Variants in LINGO1 observed in about 807,000 individuals in gnomAD.
LINGO1 encodes leucine rich repeat and Ig domain containing 1.
LINGO1 carries 11 observed loss-of-function variants against 37.3 expected under a neutral mutation model. The observed-to-expected ratio is 0.29, with a 90% confidence interval of 0.19 to 0.49. The LOEUF (loss-of-function observed/expected upper bound fraction) is 0.49, where lower values mean the gene tolerates loss of function less well. LINGO1 is among the 20% of genes least tolerant of loss of function. The pLI is 0.99. For synonymous variants in LINGO1, 387 were observed against 403.0 expected (o/e 0.96, Z 0.48); for missense variants, 585 against 878.2 (o/e 0.67, Z 4.22).
At chr15:77,679,860 G>A (rs573534138) in intron 2 of LINGO1, among the ~76,000 whole-genome samples, 8 of 152,274 alleles carry the variant, frequency 5.3e-5, no homozygotes, top group East Asian at 1.9e-4. Context: ...GCAACCACTC[G>A]ATATGCCCCA....
At chr15:77,720,346 G>A (rs11856579) in intron 2 of LINGO1, among the ~76,000 whole-genome samples, 35,149 of 152,204 alleles carry the variant, frequency 0.23, 4,182 homozygotes, top group Middle Eastern at 0.29. Context: ...GGCCAGTCCC[G>A]CCGCCCGCCA....
chr15:77,757,994 A>AAT, intron 1 of LINGO1, among the ~76,000 whole-genome samples: 1 of 152,336 alleles, frequency 6.6e-6, no homozygotes, highest in East Asian at 1.9e-4. Flanking sequence ...CTCAGGAAAA[A>AAT]TATATGACAC....
At chr15:77,741,368 A>T (rs2076262680) in intron 1 of LINGO1, among the ~76,000 whole-genome samples, 1 of 152,170 alleles carries the variant, frequency 6.6e-6, no homozygotes, top group South Asian at 2.1e-4. Context: ...CTCCTGGAAC[A>T]TTCCCTGGCC....
chr15:77,624,782 AC>A (rs986046176), intron 1 of LINGO1, among the ~76,000 whole-genome samples: 34 of 151,628 alleles, frequency 2.2e-4, no homozygotes, highest in African/African-American at 8.0e-4. Flanking sequence ...GTTGCCCAGT[AC>A]CCCCAGTTGG....
In LINGO1 at chr15:77,718,755, G is replaced by A. The variant is rs908588078; in HGVS notation, c.-195+16237C>T. 1.3e-5 allele frequency among the ~76,000 whole-genome samples: 2 copies of A among 150,676 alleles called. 1 individual carries two copies. The highest frequency in any genetic ancestry group is 3.0e-5 in the Non-Finnish European group (2 of 67,560). ...AACCCCCTGGGGTCAGGATGCCTGG[G>A]CTCTGTGCCTGCCCCAGCCCCTGGT... is the stretch of plus-strand genomic sequence containing the variant. On this transcript the variant is annotated intron_variant, in intron 2 of 3. Transcript: ENST00000561686.
At chr15:77,799,588 G>A (rs1017925126) in intron 1 of LINGO1, among the ~76,000 whole-genome samples, 1 of 152,118 alleles carries the variant, frequency 6.6e-6, no homozygotes, top group Non-Finnish European at 1.5e-5. Context: ...TCCTCCCCCA[G>A]CCTCAGCAGC....
At position 77,681,836 on chromosome 15, in the gene LINGO1, T is replaced by C. The variant is rs143961244; in HGVS notation, c.-98-4662A>G. ...TGAGGGGTGAGCACCATTGCCACTG[T>C]GGTTGTCATAATCATCATGGTCCCC... On this transcript the variant is annotated intron_variant, in intron 2 of 3. Coordinates refer to the LINGO1 transcript ENST00000559893. Among the ~76,000 whole-genome samples the C allele has an allele frequency of 2.9e-3, 448 of 152,208 alleles. 1 individual carries two copies. The highest frequency in any genetic ancestry group is 0.01 in the African/African-American group (434 of 41,522).
intron 1 of LINGO1, among the ~76,000 whole-genome samples, chr15:77,812,211 C>T (rs2077011448): frequency 6.6e-6 from 1 of 152,258 alleles, no homozygotes; most frequent in African/African-American, 2.4e-5. Flanking sequence ...ACCTCCCCCA[C>T]CCACCAGGCT....
chr15:77,680,158 TC>T (rs1267874422), intron 2 of LINGO1, among the ~76,000 whole-genome samples: 1 of 152,190 alleles, frequency 6.6e-6, no homozygotes, highest in Admixed American at 6.5e-5. Flanking sequence ...GGCCACATGT[TC>T]TGGAAGGGGC....
upstream of LINGO1, among the ~76,000 whole-genome samples, chr15:77,820,518 G>C (rs2077088582): frequency 6.6e-6 from 1 of 152,210 alleles, no homozygotes; most frequent in African/African-American, 2.4e-5. Flanking sequence ...GGCGGGGGAT[G>C]GGGGTCAGTG....
intron 2 of LINGO1, among the ~76,000 whole-genome samples, chr15:77,725,573 A>C (rs1416012128): frequency 6.6e-6 from 1 of 152,168 alleles, no homozygotes; most frequent in African/African-American, 2.4e-5. Flanking sequence ...CAAATAAATA[A>C]ATAAATAAAT....
intron 1 of LINGO1, among the ~76,000 whole-genome samples, chr15:77,814,310 G>C (rs2077031262): frequency 6.6e-6 from 1 of 152,210 alleles, no homozygotes; most frequent in Non-Finnish European, 1.5e-5. Context: ...GTGGCTTCTG[G>C]AGACCCACTT....
At chr15:77,621,039 T>C (rs2073901420) in intron 1 of LINGO1, among the ~76,000 whole-genome samples, 1 of 151,244 alleles carries the variant, frequency 6.6e-6, no homozygotes, top group Non-Finnish European at 1.5e-5. Flanking sequence ...CAGTCCCTGC[T>C]ATGGGCCAGG....
rs1015487047 is a variant in LINGO1 at position 77,819,056 on chromosome 15, C to T, written c.-458+1202G>A. Reference sequence around the variant, plus strand: ...TGCAGGTAAGGGTGAGGCGGGGCCGCGGCCTGGGCTGCCGAGCACGCCCCC... The same window carrying T: ...TGCAGGTAAGGGTGAGGCGGGGCCGTGGCCTGGGCTGCCGAGCACGCCCCC... On this transcript the variant is annotated intron_variant, in intron 1 of 5. Coordinates refer to the LINGO1 transcript ENST00000562933. 4.6e-5 allele frequency among the ~76,000 whole-genome samples: 7 copies of T among 151,642 alleles called. No homozygotes were observed. In the South Asian group the frequency reaches 1.2e-3, roughly 27 times the overall value.
At chr15:77,803,846 G>A (rs1385190309) in intron 1 of LINGO1, among the ~76,000 whole-genome samples, 3 of 152,160 alleles carry the variant, frequency 2.0e-5, no homozygotes, top group South Asian at 2.1e-4. Flanking sequence ...AGATCCATGA[G>A]CCAATTAAAC....
intron 1 of LINGO1, among the ~76,000 whole-genome samples, chr15:77,622,778 C>T (rs1019897470): frequency 6.6e-6 from 1 of 152,214 alleles, no homozygotes; most frequent in Admixed American, 6.5e-5. Flanking sequence ...TTCCTTCTGT[C>T]GCAGCGGCCA....
Position 77,632,293 on chromosome 15 carries a change from G to A in LINGO1, c.6+17C>T. The A allele has an allele frequency of 2.1e-6, 3 of 1,426,230 alleles. No individual in the cohort carries two copies. The highest frequency in any genetic ancestry group is 1.4e-5 in the South Asian group (1 of 69,912). 88.3% of individuals were successfully genotyped at this position (1,426,230 alleles called of 1,614,324 possible). ...GGGGCTGCCCGCTCGGGGCTCGGCC[G>A]CGGCCGCCTGGCTCACCTGCATCTC... On this transcript the variant is annotated intron_variant, in intron 1 of 1. Coordinates refer to ENST00000355300, the MANE Select transcript of LINGO1 (RefSeq NM_032808.7). This position sits in a 1 kb window ranked among gnomAD's most constrained non-coding sequence, Gnocchi z 6.0.
chr15:77,715,818 G>A (rs2075976990), intron 2 of LINGO1, among the ~76,000 whole-genome samples: 1 of 152,086 alleles, frequency 6.6e-6, no homozygotes, highest in Non-Finnish European at 1.5e-5. Context: ...TTCATCTCAG[G>A]ACAAGTGCTG....
intron 1 of LINGO1, among the ~76,000 whole-genome samples, chr15:77,736,943 A>G (rs2076209868): frequency 6.6e-6 from 1 of 152,214 alleles, no homozygotes; most frequent in South Asian, 2.1e-4. Flanking sequence ...ACGGACTGTC[A>G]CAGCTGAGCT....
Sources: gnomAD v4.1 joint callset for allele counts (sites outside exome capture counted in the v4.1 genomes callset) on GRCh38, gnomAD v4.1.1 for gene constraint, Gnocchi (gnomAD v3.1) non-coding constraint, MANE v1.5 for transcripts, NCBI Gene and HGNC (gene_info 2026-07-23, HGNC 2026-07-21) for gene names.